Variants in RASEF observed in about 807,000 individuals in gnomAD.
RASEF encodes the protein RAS and EF-hand domain containing.
In RASEF, 68 loss-of-function variants were observed where a neutral mutation model predicts 90.1. The ratio of observed to expected loss-of-function variants is 0.75; its 90% CI spans 0.62 to 0.92. The LOEUF is 0.92. RASEF is among the 40% of genes least tolerant of loss of function. The probability of loss-of-function intolerance (pLI) is 0.00; values close to 1 mark genes in which losing one functional copy is unlikely to be tolerated. For missense variants in RASEF, 949 were observed against 937.2 expected (o/e 1.01, Z -0.16); for synonymous variants, 331 against 345.2 (o/e 0.96, Z 0.46).
At chr9:83,109,533 G>T in the RASEF span, among the ~76,000 whole-genome samples, 2 of 152,122 alleles carry the variant, frequency 1.3e-5, no homozygotes, top group African/African-American at 4.8e-5. Context: ...ACCAATTCCT[G>T]AATAATAAGA....
chr9:83,072,463 T>A, the RASEF span, among the ~76,000 whole-genome samples: 1 of 152,158 alleles, frequency 6.6e-6, no homozygotes, highest in African/African-American at 2.4e-5. Context: ...GAGTATTGAC[T>A]CACACGATCA....
the RASEF span, among the ~76,000 whole-genome samples, chr9:83,116,759 T>TC: frequency 6.6e-6 from 1 of 152,188 alleles, no homozygotes; most frequent in Non-Finnish European, 1.5e-5. Flanking sequence ...CACTTTTTTT[T>TC]CTGTAACTCA....
At chr9:83,217,579 T>C in the RASEF span, among the ~76,000 whole-genome samples, 1 of 152,292 alleles carries the variant, frequency 6.6e-6, no homozygotes, top group Admixed American at 6.5e-5. Flanking sequence ...TAAAGGCCAG[T>C]TCCCTTGCAC....
chr9:83,099,257 AC>A, the RASEF span, among the ~76,000 whole-genome samples: 2 of 151,984 alleles, frequency 1.3e-5, no homozygotes, highest in African/African-American at 4.8e-5. Context: ...AAAACCTTAA[AC>A]TCCAAAGCTG....
chr9:83,048,327 C>T, intron 1 of RASEF: 1 of 985,340 alleles, frequency 1.0e-6, no homozygotes, highest in South Asian at 4.7e-5. Flanking sequence ...TGGAAACTCC[C>T]TGAGTGTAGC....
intron 14 of RASEF, 84 bp from the exon 15 acceptor site, chr9:82,993,109 C>T: frequency 6.9e-6 from 10 of 1,442,412 alleles, no homozygotes; most frequent in Non-Finnish European, 9.4e-6. Context: ...ACAGCAATTA[C>T]CATTTTCCCT....
chr9:83,172,472 T>A, the RASEF span, among the ~76,000 whole-genome samples: 1 of 151,604 alleles, frequency 6.6e-6, no homozygotes, highest in Non-Finnish European at 1.5e-5. Context: ...TCCTACTGTC[T>A]TCTTTTGTGG....
At chr9:83,003,526 TA>T (rs1360212102) in intron 9 of RASEF, among the ~76,000 whole-genome samples, 2 of 152,220 alleles carry the variant, frequency 1.3e-5, no homozygotes, top group Non-Finnish European at 2.9e-5. Flanking sequence ...TACACATTTT[TA>T]AAAATCGATT....
At chr9:83,163,724 G>A in the RASEF span, among the ~76,000 whole-genome samples, 1 of 151,998 alleles carries the variant, frequency 6.6e-6, no homozygotes, top group Non-Finnish European at 1.5e-5. Flanking sequence ...AAGAACTGTG[G>A]AACAACTACA....
At chr9:83,136,058 C>T in the RASEF span, among the ~76,000 whole-genome samples, 17 of 151,580 alleles carry the variant, frequency 1.1e-4, no homozygotes, top group East Asian at 1.9e-3. Flanking sequence ...TATATAGTAG[C>T]GGGACTGCTT....
At chr9:83,027,755 T>C (rs543634187) in intron 1 of RASEF, among the ~76,000 whole-genome samples, 2 of 152,308 alleles carry the variant, frequency 1.3e-5, no homozygotes, top group South Asian at 4.1e-4. Context: ...GCATGATGTA[T>C]GAATAATATA....
At chr9:82,992,049 T>A (rs1435385653) in intron 15 of RASEF, among the ~76,000 whole-genome samples, 1 of 152,222 alleles carries the variant, frequency 6.6e-6, no homozygotes, top group African/African-American at 2.4e-5. Flanking sequence ...TTTTGACATT[T>A]ATCACATTTG....
rs755987072 is a variant in RASEF, at chr9:83,004,466, C to T, written c.1202+32G>A. ...CTTTCCTTTTAACTGTGATTCTGAACTTGAACAGAAAGTTAAGACGAGTTA... is the reference window on the plus strand; with the variant it reads ...CTTTCCTTTTAACTGTGATTCTGAATTTGAACAGAAAGTTAAGACGAGTTA... On this transcript the variant is annotated intron_variant, in intron 9 of 16. Transcript: ENST00000376447. 2.0e-5 allele frequency: 27 copies of T among 1,347,542 alleles called. No homozygotes were observed. In the South Asian group the frequency reaches 3.1e-4, roughly 15 times the overall value. The allele number at this position is 1,347,542 out of a possible 1,614,324, so 83.5% of individuals were successfully genotyped here.
At position 82,993,013 on chromosome 9, in the gene RASEF, C is replaced by T; in HGVS notation, c.1933G>A (p.Glu645Lys). Residue 645 changes from glutamate to lysine, a missense_variant, in exon 15 of 17, where the codon GAG (glutamate) becomes AAG (lysine). Around this residue, in one of 3 missense-constraint regions of RASEF, gnomAD observed 288 missense variants for 328.4 expected, o/e 0.88. Coordinates refer to ENST00000376447, the MANE Select transcript of RASEF (RefSeq NM_152573.4). Reference sequence around the variant, plus strand: ...CCTACCAGCATAATGGGAACAGTCTCATGGGCTGCATCCTACCAGGAAGAA... The same window carrying T: ...CCTACCAGCATAATGGGAACAGTCTTATGGGCTGCATCCTACCAGGAAGAA... ...WVDMIEDAAHETVPIMLVGNK... is the reference protein window; with the variant it reads ...WVDMIEDAAHKTVPIMLVGNK... The T allele has an allele frequency of 6.2e-7, 1 of 1,613,564 alleles. No individual in the cohort carries two copies. Among genetic ancestry groups the T allele is most frequent in the South Asian group, 1.1e-5 (1 of 90,966 alleles).
the RASEF span, among the ~76,000 whole-genome samples, chr9:83,105,292 C>A: frequency 6.6e-6 from 1 of 152,014 alleles, no homozygotes; most frequent in African/African-American, 2.4e-5. Flanking sequence ...GTATAGAATC[C>A]TATACTGAGC....
At chr9:83,138,361 A>G in the RASEF span, among the ~76,000 whole-genome samples, 1 of 152,190 alleles carries the variant, frequency 6.6e-6, no homozygotes, top group Non-Finnish European at 1.5e-5. Context: ...ACAGTTCTCT[A>G]AAGAAAGTAT....
chr9:83,091,999 A>ATTTCTTTTTTTTTTTTTTTTTT, the RASEF span, among the ~76,000 whole-genome samples: 1 of 17,240 alleles, frequency 5.8e-5, no homozygotes, highest in Admixed American at 5.2e-4. Flanking sequence ...TTTTTCTTTT[A>ATTTCTTTTTTTTTTTTTTTTTT]TTTCTTTTTT....
rs951173847 is a variant in RASEF, at chr9:83,062,924, C to A, written c.-57G>T. On this transcript the variant is annotated 5_prime_UTR_variant, in exon 1 of 17. Transcript: ENST00000376447. ...GGAGCGCCGCGGGGCGCAGGGCCCT[C>A]CCTGGAAGGACGGGGCCACCTGCTG... 2.2e-6 allele frequency: 3 copies of A among 1,372,582 alleles called. No individual in the cohort carries two copies. The highest frequency in any genetic ancestry group is 2.8e-6 in the Non-Finnish European group (3 of 1,072,078). 85.0% of individuals were successfully genotyped at this position (1,372,582 alleles called of 1,614,324 possible). A position where few individuals can be genotyped will look rare whatever the true frequency, so the allele number is the denominator to read the frequency against.
the RASEF span, among the ~76,000 whole-genome samples, chr9:83,198,026 A>G: frequency 1.3e-5 from 2 of 152,234 alleles, no homozygotes; most frequent in Admixed American, 1.3e-4. Flanking sequence ...CCTCGATGCC[A>G]TGACAAACTC....
Sources: gnomAD v4.1 joint callset for allele counts (sites outside exome capture counted in the v4.1 genomes callset) on GRCh38, gnomAD v4.1.1 for gene constraint, gnomAD v4.1.1 regional missense constraint, MANE v1.5 for transcripts, NCBI Gene and HGNC (gene_info 2026-07-23, HGNC 2026-07-21) for gene names.